ATG16L1: variants seen among roughly 807,000 people sequenced by gnomAD.
ATG16L1 encodes autophagy related 16 like 1, also known as autophagy-related protein 16-1.
A neutral mutation model predicts 88.5 loss-of-function variants in ATG16L1; 37 were observed. That is an observed-to-expected ratio of 0.42 (90% confidence interval 0.32 to 0.55). The LOEUF (loss-of-function observed/expected upper bound fraction) is 0.55, where lower values mean the gene tolerates loss of function less well. Ranked by LOEUF, ATG16L1 falls within the 20% of genes least tolerant of loss-of-function variation. ATG16L1 has a pLI of 0.13. For synonymous variants in ATG16L1, 301 were observed against 281.0 expected, an observed-to-expected ratio of 1.07 and a Z score of -0.71; for missense variants, 554 against 752.8, an observed-to-expected ratio of 0.74 and a Z score of 3.09.
intron 12 of ATG16L1, among the ~76,000 whole-genome samples, chr2:233,289,511 A>C (rs201710024): frequency 6.6e-6 from 1 of 151,906 alleles, no homozygotes. Context: ...TCAGCTTCCC[A>C]AGTAGCTGGG....
At chr2:233,262,792 T>C (rs1697309286) in intron 2 of ATG16L1, among the ~76,000 whole-genome samples, 1 of 152,210 alleles carries the variant, frequency 6.6e-6, no homozygotes, top group South Asian at 2.1e-4. Context: ...AGCAGAGCCC[T>C]GCACTCACTG....
At chr2:233,255,756 T>A (rs1020204581) in intron 1 of ATG16L1, among the ~76,000 whole-genome samples, 1 of 152,258 alleles carries the variant, frequency 6.6e-6, no homozygotes. Context: ...TGTTGGAGAC[T>A]GTCATTTGTA....
At chr2:233,265,870 A>G (rs548722106) in intron 5 of ATG16L1, 1 of 152,386 alleles carries the variant, frequency 6.6e-6, no homozygotes, top group South Asian at 2.1e-4. Context: ...TGGATTATCA[A>G]GAAATCAATT....
rs537403546 is a variant in ATG16L1, at chr2:233,272,412, C to T, written c.708-554C>T. On this transcript the variant is annotated intron_variant, in intron 6 of 17. Coordinates refer to ENST00000392017, the MANE Select transcript of ATG16L1 (RefSeq NM_030803.7). Reference sequence around the variant, plus strand: ...TGCATAGTGTTTAAATTTTGCTTTTCTATTTTTTAAAGTAATATTTGAAAC... The same window carrying T: ...TGCATAGTGTTTAAATTTTGCTTTTTTATTTTTTAAAGTAATATTTGAAAC... 5.9e-5 allele frequency among the ~76,000 whole-genome samples: 9 copies of T among 152,316 alleles called. No individual in the cohort carries two copies. The East Asian group carries it at 7.7e-4, about 13-fold the overall frequency.
At chr2:233,272,068 ATCTT>A (rs1265728421) in intron 6 of ATG16L1, among the ~76,000 whole-genome samples, 11 of 152,234 alleles carry the variant, frequency 7.2e-5, no homozygotes, top group Middle Eastern at 3.2e-3. Flanking sequence ...AAAAGGAAAA[ATCTT>A]TCTGTCAAGT....
At chr2:233,291,881 C>G (rs1199496925) in intron 14 of ATG16L1, among the ~76,000 whole-genome samples, 4 of 152,188 alleles carry the variant, frequency 2.6e-5, no homozygotes, top group Non-Finnish European at 4.4e-5. Flanking sequence ...CGATTGTTGT[C>G]ATTCCAAAAA....
Position 233,263,158 on chromosome 2 carries a change from A to G in ATG16L1, c.238A>G (p.Asn80Asp). 6.2e-7 allele frequency: 1 copy of G among 1,614,154 alleles called. No individual in the cohort carries two copies. Residue 80 changes from asparagine to aspartate, a missense_variant, in exon 3 of 18, where the codon AAT becomes GAT. Asn to Asp is a conservative substitution (Grantham distance 23). Coordinates refer to ENST00000392017, the MANE Select transcript of ATG16L1 (RefSeq NM_030803.7). Reference sequence around the variant, plus strand: ...CGGACATGATGGCACATGGAATGACAATCAGCTACAAGAAATGGCCCAACT... The same window carrying G: ...CGGACATGATGGCACATGGAATGACGATCAGCTACAAGAAATGGCCCAACT... Reference protein sequence around the residue: ...SPGHDGTWNDNQLQEMAQLRI... With the variant: ...SPGHDGTWNDDQLQEMAQLRI...
At position 233,251,784 on chromosome 2, in the gene ATG16L1, C is replaced by G; in HGVS notation, c.-44C>G. ...ATGCTGCAGGCTGCGGCCGTCAGCCCTCGCTCGCATTGGTGGCGCTGAGGT... is the reference window on the plus strand; with the variant it reads ...ATGCTGCAGGCTGCGGCCGTCAGCCGTCGCTCGCATTGGTGGCGCTGAGGT... On this transcript the variant is annotated 5_prime_UTR_variant, in exon 1 of 18. Transcript: ENST00000392017. 1 of 1,526,580 alleles carries G rather than the reference C, an allele frequency of 6.6e-7. No individual in the cohort carries two copies. Among genetic ancestry groups the G allele is most frequent in the Non-Finnish European group, 8.9e-7 (1 of 1,127,638 alleles). The allele number at this position is 1,526,580 out of a possible 1,614,324, so 94.6% of individuals were successfully genotyped here.
chr2:233,251,823 G>C lies in ATG16L1; in HGVS notation c.-5G>C. ...TGGCGCTGAGGTGCCGGGGCAGCAA[G>C]TGACATGTCGTCGGGCCTCCGCGCC... On this transcript the variant is annotated 5_prime_UTR_variant, in exon 1 of 18. Coordinates refer to ENST00000392017, the MANE Select transcript of ATG16L1 (RefSeq NM_030803.7). 6.5e-7 allele frequency: 1 copy of C among 1,549,716 alleles called. No individual in the cohort carries two copies. Among genetic ancestry groups the C allele is most frequent in the South Asian group, 1.2e-5 (1 of 84,018 alleles).
chr2:233,268,510 G>T (rs1697761058), intron 5 of ATG16L1, among the ~76,000 whole-genome samples: 1 of 152,166 alleles, frequency 6.6e-6, no homozygotes, highest in South Asian at 2.1e-4. Flanking sequence ...CTGATAACAG[G>T]TGGTGTTTTC....
At chr2:233,286,090 G>T (rs993711853) in intron 12 of ATG16L1, among the ~76,000 whole-genome samples, 24 of 152,144 alleles carry the variant, frequency 1.6e-4, no homozygotes, top group Non-Finnish European at 4.4e-5. Flanking sequence ...CCACAGTGAG[G>T]ATTGGCTATG....
chr2:233,264,851 T>C, intron 4 of ATG16L1, 41 bp from the exon 5 acceptor site: 1 of 1,609,868 alleles, frequency 6.2e-7, no homozygotes, highest in Non-Finnish European at 8.5e-7. Context: ...GGCACAGGGC[T>C]CTGGCGAGGT....
In ATG16L1 at chr2:233,294,297, C is replaced by A. The variant is rs1186911985; in HGVS notation, c.1771C>A (p.His591Asn). 1 of 1,612,778 alleles carries A rather than the reference C, an allele frequency of 6.2e-7. No homozygotes were observed. Among genetic ancestry groups the A allele is most frequent in the Non-Finnish European group, 8.5e-7 (1 of 1,179,554 alleles). Residue 591 changes from histidine (H) to asparagine (N), a missense_variant, in exon 18 of 18, where the codon CAC becomes AAC. This residue lies in a region of ATG16L1 where 370 missense variants were observed against 509.7 expected (regional missense o/e 0.73). Coordinates refer to ENST00000392017, the MANE Select transcript of ATG16L1 (RefSeq NM_030803.7). Reference protein sequence around the residue: ...NAVAWSPSGSHVVSVDKGCKA... With the variant: ...NAVAWSPSGSNVVSVDKGCKA... ...GGTGGCGTGGTCGCCCTCTGGCTCG[C>A]ACGTTGTCAGTGTGGACAAAGGATG...
intron 5 of ATG16L1, 149 bp downstream of exon 5, chr2:233,265,292 A>G (rs1054404913): frequency 1.2e-5 from 12 of 996,204 alleles, no homozygotes; most frequent in Non-Finnish European, 1.7e-5. Context: ...AATTCTGAAC[A>G]ATATAAATTA....
intron 10 of ATG16L1, 107 bp downstream of exon 10, chr2:233,277,780 C>A: frequency 1.1e-6 from 1 of 923,920 alleles, no homozygotes; most frequent in Non-Finnish European, 1.7e-6. Context: ...CTTTCAGGCA[C>A]TGTGAATTGT....
At chr2:233,275,732 A>G (rs762306930) in intron 9 of ATG16L1, 5 of 518,980 alleles carry the variant, frequency 9.6e-6, no homozygotes, top group South Asian at 2.8e-5. Context: ...GCAGAGGTCG[A>G]TGATGATTGG....
intron 3 of ATG16L1, 88 bp from the exon 4 acceptor site, chr2:233,263,904 T>C: frequency 2.3e-6 from 3 of 1,310,590 alleles, no homozygotes; most frequent in South Asian, 2.5e-5. Flanking sequence ...ATTTATTCTT[T>C]CTTAAAAATA....
chr2:233,261,532 T>C (rs1399263842), intron 2 of ATG16L1, among the ~76,000 whole-genome samples: 1 of 152,174 alleles, frequency 6.6e-6, no homozygotes, highest in Admixed American at 6.5e-5. Context: ...GATAAGGTAT[T>C]AGTTTGTGCT....
At chr2:233,266,072 C>G (rs74603889) in intron 5 of ATG16L1, 1,948 of 152,238 alleles carry the variant, frequency 0.013, 19 homozygotes, top group East Asian at 0.026. Flanking sequence ...TCTGGCCAAC[C>G]AACCATTGAA....
Sources: gnomAD v4.1 joint callset for allele counts (sites outside exome capture counted in the v4.1 genomes callset) on GRCh38, gnomAD v4.1.1 for gene constraint, gnomAD v4.1.1 regional missense constraint, MANE v1.5 for transcripts, NCBI Gene and HGNC (gene_info 2026-07-23, HGNC 2026-07-21) for gene names.